DHRS11: variants seen among roughly 807,000 people sequenced by gnomAD.
The protein encoded by DHRS11 is dehydrogenase/reductase SDR family member 11.
A neutral mutation model predicts 30.7 loss-of-function variants in DHRS11; 18 were observed. The observed-to-expected ratio is 0.59, with a 90% CI of 0.41 to 0.87. DHRS11 has a LOEUF of 0.87. DHRS11 is among the 40% of genes least tolerant of loss of function. The pLI is 0.00. For missense variants in DHRS11, 300 were observed against 349.0 expected (o/e 0.86, Z 1.12); for synonymous variants, 123 against 139.6 (o/e 0.88, Z 0.84).
chr17:36,594,654 G>C (rs1039679861), intron 1 of DHRS11: 2 of 452,086 alleles, frequency 4.4e-6, no homozygotes, highest in Non-Finnish European at 4.0e-6. Context: ...ACCTCAACTG[G>C]TCCACCCGCC....
chr17:36,600,232 C>G lies in DHRS11; in HGVS notation c.*29C>G, dbSNP rs2074848756. ...CTGTGGGAGCTCCTCCTTCCCTCCC[C>G]ACCCTTCATGGCTTGCCTCCTGCCT... On this transcript the variant is annotated 3_prime_UTR_variant, in exon 7 of 7. Transcript: ENST00000618403. 1 of 1,614,046 alleles carries G rather than the reference C, an allele frequency of 6.2e-7. No individual in the cohort carries two copies. The highest frequency in any genetic ancestry group is 1.3e-5 in the African/African-American group (1 of 75,062).
Position 36,600,495 on chromosome 17 carries a change from G to C in DHRS11, c.*292G>C. 1 of 562,518 alleles carries C rather than the reference G, an allele frequency of 1.8e-6. No individual in the cohort carries two copies. The highest frequency in any genetic ancestry group is 4.7e-4 in the Middle Eastern group (1 of 2,114). 34.8% of individuals were successfully genotyped at this position (562,518 alleles called of 1,614,324 possible). A position where few individuals can be genotyped will look rare whatever the true frequency, so the allele number is the denominator to read the frequency against. Reference sequence around the variant, plus strand: ...GCTCTCAGTGTCTTCCCTTTGACATGGGAAAGGAGTTGTGGCCAAAATCCC... The same window carrying C: ...GCTCTCAGTGTCTTCCCTTTGACATCGGAAAGGAGTTGTGGCCAAAATCCC... On this transcript the variant is annotated 3_prime_UTR_variant, in exon 7 of 7. Transcript: ENST00000618403.
intron 2 of DHRS11, among the ~76,000 whole-genome samples, chr17:36,595,612 AG>A (rs1395748195): frequency 6.6e-6 from 1 of 151,676 alleles, no homozygotes; most frequent in African/African-American, 2.4e-5. Context: ...TAGTAGAGAC[AG>A]GGTTTCACCT....
intron 6 of DHRS11, 38 bp downstream of exon 6, chr17:36,600,075 C>T: frequency 6.2e-7 from 1 of 1,613,750 alleles, no homozygotes; most frequent in Non-Finnish European, 8.5e-7. Context: ...CTGGAGGAAC[C>T]CAACCAGCCC....
chr17:36,599,190 G>A (rs995265014), intron 4 of DHRS11, 140 bp downstream of exon 4: 1 of 1,291,420 alleles, frequency 7.7e-7, no homozygotes. Context: ...GGGTGCTGCT[G>A]CTCCAGGCAT....
At chr17:36,594,913 C>G in intron 1 of DHRS11, 58 bp from the exon 2 acceptor site, 1 of 1,589,082 alleles carries the variant, frequency 6.3e-7, no homozygotes, top group South Asian at 1.1e-5. Context: ...CTGAGGCTGG[C>G]TAGGGAGCCG....
rs2074849889 is a variant in DHRS11 at position 36,600,330 on chromosome 17, ATTTG to A, written c.*132_*135del. 1.3e-5 allele frequency: 15 copies of A among 1,138,992 alleles called. No homozygotes were observed. Among genetic ancestry groups the A allele is most frequent in the Non-Finnish European group, 1.8e-5 (14 of 798,132 alleles). The allele number at this position is 1,138,992 out of a possible 1,614,324, so 70.6% of individuals were successfully genotyped here. On this transcript the variant is annotated 3_prime_UTR_variant, in exon 7 of 7. Coordinates refer to ENST00000618403, the MANE Select transcript of DHRS11 (RefSeq NM_024308.4). ...CCACACCCCGACCAGGGGCTAGAAAATTTGTTTGAGATTTTTATATCATCTTGTC... is the reference window on the plus strand; with the variant it reads ...CCACACCCCGACCAGGGGCTAGAAAATTTGAGATTTTTATATCATCTTGTC...
Position 36,600,494 on chromosome 17 carries a change from T to C in DHRS11, c.*291T>C. On this transcript the variant is annotated 3_prime_UTR_variant, in exon 7 of 7. Coordinates refer to ENST00000618403, the MANE Select transcript of DHRS11 (RefSeq NM_024308.4). ...TGCTCTCAGTGTCTTCCCTTTGACA[T>C]GGGAAAGGAGTTGTGGCCAAAATCC... The C allele has an allele frequency of 1.8e-6, 1 of 564,976 alleles. No individual in the cohort carries two copies. Among genetic ancestry groups the C allele is most frequent in the Non-Finnish European group, 3.2e-6 (1 of 316,842 alleles). 35.0% of individuals were successfully genotyped at this position (564,976 alleles called of 1,614,324 possible). A position where few individuals can be genotyped will look rare whatever the true frequency, so the allele number is the denominator to read the frequency against.
At chr17:36,598,077 C>G in intron 2 of DHRS11, 86 bp from the exon 3 acceptor site, 1 of 1,377,320 alleles carries the variant, frequency 7.3e-7, no homozygotes, top group East Asian at 2.3e-5. Context: ...GCCACACTGC[C>G]CCCTTCCCCC....
Position 36,600,293 on chromosome 17 carries a change from A to G in DHRS11, c.*90A>G. 1 of 1,510,470 alleles carries G rather than the reference A, an allele frequency of 6.6e-7. No homozygotes were observed. The highest frequency in any genetic ancestry group is 1.1e-5 in the South Asian group (1 of 87,084). The allele number at this position is 1,510,470 out of a possible 1,614,324, so 93.6% of individuals were successfully genotyped here. ...GGTGTTGATTTCTGGATCACGGGAT[A>G]CCACTTCCTGTCCACACCCCGACCA... On this transcript the variant is annotated 3_prime_UTR_variant, in exon 7 of 7. Coordinates refer to ENST00000618403, the MANE Select transcript of DHRS11 (RefSeq NM_024308.4).
In DHRS11 at chr17:36,598,637, C is replaced by G. The variant is rs1279845173; in HGVS notation, c.453-284C>G. On this transcript the variant is annotated intron_variant, in intron 3 of 6. Transcript: ENST00000618403. ...TTGAGATGTCCCAATAGAACCGTAT[C>G]AGTGAACATACAGATTAGATGGAGA... The G allele has an allele frequency of 5.8e-6, 3 of 520,348 alleles. No individual in the cohort carries two copies. The South Asian group carries it at 7.7e-5, about 13-fold the overall frequency. 32.2% of individuals were successfully genotyped at this position (520,348 alleles called of 1,614,324 possible). A position where few individuals can be genotyped will look rare whatever the true frequency, so the allele number is the denominator to read the frequency against.
intron 4 of DHRS11, chr17:36,599,439 T>A (rs2074837829): frequency 1.7e-6 from 1 of 586,640 alleles, no homozygotes; most frequent in Non-Finnish European, 3.0e-6. Context: ...ATGATGAGCT[T>A]TTCAGGGACA....
intron 2 of DHRS11, chr17:36,596,878 T>G (rs1353298194): frequency 2.1e-6 from 1 of 470,896 alleles, no homozygotes; most frequent in East Asian, 7.0e-5. Context: ...GCCATGAAAA[T>G]GAAGCCCTCA....
At position 36,598,158 on chromosome 17, in the gene DHRS11, T is replaced by C. The variant is rs777196580; in HGVS notation, c.358-5T>C. 1.8e-5 allele frequency: 29 copies of C among 1,613,852 alleles called. No homozygotes were observed. Among genetic ancestry groups the C allele is most frequent in the Non-Finnish European group, 2.5e-5 (29 of 1,179,916 alleles). ...AGACACCTCATTGCCCTCCCTGGCC[T>C]GCAGGTGAACGTGCTGGCCCTCAGC... On this transcript the variant is annotated splice_region_variant and splice_polypyrimidine_tract_variant and intron_variant, in intron 2 of 6. Transcript: ENST00000618403.
intron 4 of DHRS11, chr17:36,599,427 AGAT>A (rs1214464828): frequency 1.0e-5 from 6 of 580,448 alleles, no homozygotes; most frequent in Non-Finnish European, 1.8e-5. Context: ...TGTGAAAAGG[AGAT>A]GATGAGCTTT....
rs938159999 is a variant in DHRS11 at position 36,592,429 on chromosome 17, T to G, written c.147+273T>G. On this transcript the variant is annotated intron_variant, in intron 1 of 6. Transcript: ENST00000618403. This position sits in a 1 kb window ranked among gnomAD's most constrained non-coding sequence, Gnocchi z 4.4. ...GGCCCGAGGAAGGGGAAGCCGGAGG[T>G]CGGGGGTGGTGGTCTCGCCCCTGTG... 2.6e-5 allele frequency among the ~76,000 whole-genome samples: 4 copies of G among 151,578 alleles called. No homozygotes were observed. Among genetic ancestry groups the G allele is most frequent in the African/African-American group, 9.7e-5 (4 of 41,192 alleles).
rs1450286984 is a variant in DHRS11 at position 36,600,667 on chromosome 17, G to A, written c.*464G>A. On this transcript the variant is annotated 3_prime_UTR_variant, in exon 7 of 7. Transcript: ENST00000618403. ...TCTCCCCCTTATCTATCTCCTTCTC[G>A]GCTCCCCAGCCCAGTCTTGGCTTCT... 2 of 209,604 alleles carry A rather than the reference G, an allele frequency of 9.5e-6. No homozygotes were observed. The highest frequency in any genetic ancestry group is 7.5e-5 in the South Asian group (1 of 13,416). The allele number at this position is 209,604 out of a possible 1,614,324, so 13.0% of individuals were successfully genotyped here. A position where few individuals can be genotyped will look rare whatever the true frequency, so the allele number is the denominator to read the frequency against.
chr17:36,595,229 A>G, intron 2 of DHRS11, 49 bp downstream of exon 2: 5 of 1,601,852 alleles, frequency 3.1e-6, no homozygotes, highest in Non-Finnish European at 4.3e-6. Context: ...GGGAGGAGAG[A>G]GGGGAGCCAG....
rs2074773144 is a variant in DHRS11 at position 36,592,205 on chromosome 17, G to T, written c.147+49G>T. 8.0e-7 allele frequency: 1 copy of T among 1,243,760 alleles called. No individual in the cohort carries two copies. The highest frequency in any genetic ancestry group is 1.0e-6 in the Non-Finnish European group (1 of 994,070). 77.0% of individuals were successfully genotyped at this position (1,243,760 alleles called of 1,614,324 possible). On this transcript the variant is annotated intron_variant, in intron 1 of 6. Transcript: ENST00000618403. The surrounding 1 kb of genome is among the most constrained non-coding windows in gnomAD (Gnocchi z 4.4). Reference sequence around the variant, plus strand: ...ACGTCGCGGGCGGGTCGTTTCCCCGGAGTCGGGTTCACCTGCCCGCCACGC... The same window carrying T: ...ACGTCGCGGGCGGGTCGTTTCCCCGTAGTCGGGTTCACCTGCCCGCCACGC...
Sources: gnomAD v4.1 joint callset for allele counts (sites outside exome capture counted in the v4.1 genomes callset) on GRCh38, gnomAD v4.1.1 for gene constraint, Gnocchi (gnomAD v3.1) non-coding constraint, MANE v1.5 for transcripts, NCBI Gene and HGNC (gene_info 2026-07-23, HGNC 2026-07-21) for gene names.